Variants in ARSG observed in about 807,000 individuals in gnomAD.
ARSG encodes the protein ASG.
Under a neutral mutation model 50.5 loss-of-function variants are expected in ARSG, and 37 were observed. That is an observed-to-expected ratio of 0.73 (90% CI 0.56 to 0.96). ARSG has a LOEUF of 0.96. Among genes scored for constraint, ARSG ranks in the 50% least tolerant of loss-of-function variants. The pLI is 0.00. For missense variants in ARSG, 629 were observed against 675.3 expected (o/e 0.93, Z 0.76); for synonymous variants, 225 against 254.6 (o/e 0.88, Z 1.11).
At chr17:68,354,420 A>AG (rs1444224719) in intron 5 of ARSG, among the ~76,000 whole-genome samples, 94 of 149,614 alleles carry the variant, frequency 6.3e-4, no homozygotes, top group African/African-American at 1.9e-3. Flanking sequence ...CTCAAAAAAA[A>AG]AAAAAAAGAA....
chr17:68,286,058 A>G (rs1396088204), intron 1 of ARSG, among the ~76,000 whole-genome samples: 1 of 152,108 alleles, frequency 6.6e-6, no homozygotes, highest in Non-Finnish European at 1.5e-5. Context: ...CGCGCCTGGC[A>G]TAATTTTTAT....
chr17:68,388,173 C>G (rs1322616864), intron 9 of ARSG, among the ~76,000 whole-genome samples: 1 of 152,200 alleles, frequency 6.6e-6, no homozygotes. Context: ...ACCTTACCTT[C>G]AGGAGGCCAG....
At chr17:68,444,132 C>T in the ARSG span, among the ~76,000 whole-genome samples, 7 of 152,182 alleles carry the variant, frequency 4.6e-5, no homozygotes, top group African/African-American at 1.2e-4. Flanking sequence ...CTAATTATCA[C>T]GCCTACTCTG....
In ARSG at chr17:68,310,368, G is replaced by GA. The variant is rs532078014; in HGVS notation, c.218+2658dup. On this transcript the variant is annotated intron_variant, in intron 2 of 11. Transcript: ENST00000621439. ...GCAAAAGAGAGTCTGTGAGGCGTGG[G>GA]AGATGTGACTCACTTATTTATGAAA... Among the ~76,000 whole-genome samples the GA allele has an allele frequency of 1.8e-3, 277 of 152,322 alleles. 1 individual carries two copies. The highest frequency in any genetic ancestry group is 6.3e-3 in the African/African-American group (262 of 41,574).
At chr17:68,356,887 C>T (rs112046434) in intron 6 of ARSG, 83 bp downstream of exon 6, 121 of 1,530,956 alleles carry the variant, frequency 7.9e-5, no homozygotes, top group Non-Finnish European at 1.0e-4. Flanking sequence ...GGCCTCAGCA[C>T]GCTTGAGGCC....
chr17:68,291,813 C>G (rs1452723070), intron 1 of ARSG, among the ~76,000 whole-genome samples: 1 of 151,280 alleles, frequency 6.6e-6, no homozygotes, highest in Non-Finnish European at 1.5e-5. Context: ...GGGCGCCTTC[C>G]CGGCGCGCCC....
intron 8 of ARSG, among the ~76,000 whole-genome samples, chr17:68,376,629 A>G (rs2080164499): frequency 6.6e-6 from 1 of 151,884 alleles, no homozygotes; most frequent in Non-Finnish European, 1.5e-5. Context: ...TATTTTATTT[A>G]ACCCCATATC....
At chr17:68,318,186 A>C (rs1193822689) in intron 2 of ARSG, among the ~76,000 whole-genome samples, 1 of 152,190 alleles carries the variant, frequency 6.6e-6, no homozygotes, top group Non-Finnish European at 1.5e-5. Context: ...CTCATGATTT[A>C]AAAAAGAGAA....
At chr17:68,283,088 CTG>C (rs71142161) in intron 1 of ARSG, 35,139 of 151,894 alleles carry the variant, frequency 0.23, 4,412 homozygotes, top group African/African-American at 0.31. Context: ...GATCACACTA[CTG>C]CACTCTTGCC....
At chr17:68,441,428 T>C in the ARSG span, among the ~76,000 whole-genome samples, 1 of 152,228 alleles carries the variant, frequency 6.6e-6, no homozygotes, top group East Asian at 1.9e-4. Flanking sequence ...TGATTGTGTC[T>C]TCCTTCTGTA....
In ARSG at chr17:68,381,398, C is replaced by G. The variant is rs1423308770; in HGVS notation, c.983-3666C>G. ...AACCACAAGTGCGTAGAAATGCATT[C>G]TCATGGCCATAAGACACGCATTTCT... On this transcript the variant is annotated intron_variant, in intron 8 of 11. Coordinates refer to ENST00000621439, the MANE Select transcript of ARSG (RefSeq NM_001267727.2). This position sits in a 1 kb window ranked among gnomAD's most constrained non-coding sequence, Gnocchi z 4.1. Among the ~76,000 whole-genome samples the G allele has an allele frequency of 6.6e-6, 1 of 152,210 alleles. No individual in the cohort carries two copies. The highest frequency in any genetic ancestry group is 1.5e-5 in the Non-Finnish European group (1 of 68,040).
chr17:68,390,613 G>A (rs1255587795), intron 9 of ARSG, among the ~76,000 whole-genome samples: 1 of 151,878 alleles, frequency 6.6e-6, no homozygotes, highest in Non-Finnish European at 1.5e-5. Context: ...TAGTGCCAGA[G>A]TCCATGGAAT....
downstream of ARSG, among the ~76,000 whole-genome samples, chr17:68,425,729 G>A (rs922633478): frequency 1.3e-5 from 2 of 152,142 alleles, no homozygotes; most frequent in Non-Finnish European, 2.9e-5. Context: ...AGGAAAATAA[G>A]TTTTAGACAA....
chr17:68,389,239 C>A (rs1055229429), intron 9 of ARSG, among the ~76,000 whole-genome samples: 5 of 152,198 alleles, frequency 3.3e-5, no homozygotes, highest in Non-Finnish European at 5.9e-5. Context: ...CCCCCACCCC[C>A]ACTCTTGGCA....
At chr17:68,427,323 G>A (rs2083262861), downstream of ARSG, 4 of 1,184,036 alleles carry the variant, frequency 3.4e-6, no homozygotes, top group Non-Finnish European at 5.0e-6. Context: ...CCTTCCAAAG[G>A]AAAAGCATGA....
chr17:68,271,248 T>C lies in ARSG; in HGVS notation c.-552+11822T>C. ...AGGAAGGTGCAAAGAATCCCAGTGT[T>C]GCAAAGAGACCAAATAATGCATAAC... On this transcript the variant is annotated intron_variant, in intron 1 of 11. Transcript: ENST00000448504. This position sits in a 1 kb window ranked among gnomAD's most constrained non-coding sequence, Gnocchi z 5.3. 2 of 1,614,180 alleles carry C rather than the reference T, an allele frequency of 1.2e-6. No homozygotes were observed. The highest frequency in any genetic ancestry group is 1.7e-6 in the Non-Finnish European group (2 of 1,180,038).
At chr17:68,352,039 G>A (rs2078788174) in intron 5 of ARSG, among the ~76,000 whole-genome samples, 1 of 151,520 alleles carries the variant, frequency 6.6e-6, no homozygotes, top group Non-Finnish European at 1.5e-5. Flanking sequence ...GGGAGGGAGG[G>A]AGAGAGCAGA....
At chr17:68,295,466 T>C (rs2076169924) in intron 1 of ARSG, among the ~76,000 whole-genome samples, 2 of 151,696 alleles carry the variant, frequency 1.3e-5, no homozygotes, top group African/African-American at 4.8e-5. Context: ...TTATTACTGC[T>C]TAAAAATTAA....
In ARSG at chr17:68,307,597, A is replaced by C. The variant is rs2076655023; in HGVS notation, c.104A>C (p.Lys35Thr). 6.2e-7 allele frequency: 1 copy of C among 1,614,044 alleles called. No homozygotes were observed. Among genetic ancestry groups the C allele is most frequent in the African/African-American group, 1.3e-5 (1 of 74,938 alleles). Residue 35 changes from lysine to threonine, a missense_variant, in exon 2 of 12, where the codon AAG (lysine) becomes ACG (threonine). Coordinates refer to ENST00000621439, the MANE Select transcript of ARSG (RefSeq NM_001267727.2). ...ATCAGTGGGAAAACAAGAGGACAGA[A>C]GCCAAACTTTGTGATTATTTTGGCC... ...FCISGKTRGQ[K>T]PNFVIILADD...
Sources: allele counts gnomAD v4.1 joint callset (sites outside exome capture counted in the v4.1 genomes callset), GRCh38; gene constraint gnomAD v4.1.1; non-coding constraint Gnocchi (gnomAD v3.1); transcripts MANE v1.5; gene names NCBI Gene and HGNC (gene_info 2026-07-23, HGNC 2026-07-21).